Variants in DGCR8 observed in about 807,000 individuals in gnomAD.
The protein encoded by DGCR8 is microprocessor complex subunit DGCR8.
Under a neutral mutation model 78.5 loss-of-function variants are expected in DGCR8, and 14 were observed. The ratio of observed to expected loss-of-function variants is 0.18; its 90% CI spans 0.12 to 0.28. The LOEUF is 0.28. DGCR8 is among the 10% of genes least tolerant of loss of function. The probability of loss-of-function intolerance (pLI) is 1.00; values close to 1 mark genes in which losing one functional copy is unlikely to be tolerated. For missense variants in DGCR8, 702 were observed against 1,022.5 expected, an observed-to-expected ratio of 0.69 and a Z score of 4.28; for synonymous variants, 399 against 402.4, an observed-to-expected ratio of 0.99 and a Z score of 0.10.
At chr22:20,093,310 C>A (rs921240015) in intron 8 of DGCR8, among the ~76,000 whole-genome samples, 1 of 151,888 alleles carries the variant, frequency 6.6e-6, no homozygotes, top group African/African-American at 2.4e-5. Flanking sequence ...GAGGCTGAGG[C>A]AGGAGAATGG....
chr22:20,094,919 C>A, intron 9 of DGCR8, 124 bp downstream of exon 9: 1 of 739,276 alleles, frequency 1.4e-6, no homozygotes, highest in Non-Finnish European at 2.3e-6. Context: ...AGGTTAGTCT[C>A]ATCCAGCCTC....
Position 20,089,635 on chromosome 22 carries a change from A to G in DGCR8, c.881-34A>G, listed in dbSNP as rs748063825. 1.2e-6 allele frequency: 2 copies of G among 1,609,962 alleles called. No individual in the cohort carries two copies. The highest frequency in any genetic ancestry group is 1.1e-5 in the South Asian group (1 of 90,866). ...TGGCAACAATTCCAAGTGTTTTTAC[A>G]GTGATTATAGGATGTTCTTGTCTTC... is the stretch of plus-strand genomic sequence containing the variant. On this transcript the variant is annotated intron_variant, in intron 3 of 13. Coordinates refer to ENST00000351989, the MANE Select transcript of DGCR8 (RefSeq NM_022720.7). The surrounding 1 kb of genome is among the most constrained non-coding windows in gnomAD (Gnocchi z 4.9).
rs969283240 is a variant in DGCR8 at position 20,087,776 on chromosome 22, A to G, written c.880+455A>G. Reference sequence around the variant, plus strand: ...TGTTACCTGATTTTTGTTTAACAACATGGCTTCTGGGCCACAGCATGGTGT... The same window carrying G: ...TGTTACCTGATTTTTGTTTAACAACGTGGCTTCTGGGCCACAGCATGGTGT... On this transcript the variant is annotated intron_variant, in intron 3 of 13. Coordinates refer to ENST00000351989, the MANE Select transcript of DGCR8 (RefSeq NM_022720.7). This position sits in a 1 kb window ranked among gnomAD's most constrained non-coding sequence, Gnocchi z 4.1. 1.3e-5 allele frequency among the ~76,000 whole-genome samples: 2 copies of G among 152,124 alleles called. No homozygotes were observed. Among genetic ancestry groups the G allele is most frequent in the East Asian group, 1.9e-4 (1 of 5,188 alleles).
At chr22:20,107,580 TC>T in intron 12 of DGCR8, 182 bp downstream of exon 12, 2 of 656,322 alleles carry the variant, frequency 3.0e-6, no homozygotes, top group Non-Finnish European at 5.2e-6. Flanking sequence ...ACATCTCCTA[TC>T]CCAGCCTGCT....
At position 20,086,058 on chromosome 22, in the gene DGCR8, G is replaced by A. The variant is rs1202567722; in HGVS notation, c.95G>A (p.Arg32His). 5 of 1,614,026 alleles carry A rather than the reference G, an allele frequency of 3.1e-6. No individual in the cohort carries two copies. The highest frequency in any genetic ancestry group is 4.2e-6 in the Non-Finnish European group (5 of 1,180,044). Reference sequence around the variant, plus strand: ...GCTCGCCCCTTCCAAGCGCTGCCCCGTGAGCAGTCTCCACCACCTCCCCTG... The same window carrying A: ...GCTCGCCCCTTCCAAGCGCTGCCCCATGAGCAGTCTCCACCACCTCCCCTG... ...SRARPFQALP[R>H]EQSPPPPLQT... Residue 32 changes from arginine (R) to histidine (H), a missense_variant, in exon 2 of 14, where the codon CGT becomes CAT. Arg to His is a conservative substitution (Grantham distance 29, BLOSUM62 0). Around this residue, in one of 4 missense-constraint regions of DGCR8, gnomAD observed 356 missense variants for 448.9 expected, o/e 0.79. Coordinates refer to ENST00000351989, the MANE Select transcript of DGCR8 (RefSeq NM_022720.7). The surrounding 1 kb of genome is among the most constrained non-coding windows in gnomAD (Gnocchi z 6.4).
At chr22:20,106,782 C>A in intron 11 of DGCR8, 84 bp downstream of exon 11, 1 of 956,436 alleles carries the variant, frequency 1.0e-6, no homozygotes, top group Non-Finnish European at 1.7e-6. Flanking sequence ...TTGGTCTCAG[C>A]TGTTGCCCTG....
At chr22:20,106,477 T>A in intron 10 of DGCR8, 115 bp from the exon 11 acceptor site, 2 of 868,332 alleles carry the variant, frequency 2.3e-6, no homozygotes, top group South Asian at 2.9e-5. Context: ...CTGGCTGAGA[T>A]GCAGTCTGGG....
In DGCR8 at chr22:20,111,288, C is replaced by T. The variant is rs986243198; in HGVS notation, c.*1180C>T. On this transcript the variant is annotated 3_prime_UTR_variant, in exon 14 of 14. Coordinates refer to ENST00000351989, the MANE Select transcript of DGCR8 (RefSeq NM_022720.7). ...TGCAGAGTGCCGTGTGCTTGTGGTGCGCCATCTGAAGCAAGAGTCCAGCGT... is the reference window on the plus strand; with the variant it reads ...TGCAGAGTGCCGTGTGCTTGTGGTGTGCCATCTGAAGCAAGAGTCCAGCGT... 4.5e-5 allele frequency: 18 copies of T among 398,474 alleles called. No homozygotes were observed. Among genetic ancestry groups the T allele is most frequent in the African/African-American group, 2.3e-4 (11 of 48,568 alleles). The allele number at this position is 398,474 out of a possible 1,614,324, so 24.7% of individuals were successfully genotyped here. A position where few individuals can be genotyped will look rare whatever the true frequency, so the allele number is the denominator to read the frequency against.
At chr22:20,090,395 C>G in intron 5 of DGCR8, 137 bp downstream of exon 5, 2 of 1,072,070 alleles carry the variant, frequency 1.9e-6, no homozygotes, top group Non-Finnish European at 2.6e-6. Context: ...GTTGGTGTGG[C>G]TGAAAGGCTT....
At chr22:20,094,828 G>A (rs373875344) in intron 9 of DGCR8, 33 bp downstream of exon 9, 10 of 1,594,134 alleles carry the variant, frequency 6.3e-6, no homozygotes, top group African/African-American at 1.3e-5. Context: ...GCTGGGAGCT[G>A]TGTGTGCAGT....
At chr22:20,095,786 A>G (rs2049622103) in intron 9 of DGCR8, among the ~76,000 whole-genome samples, 1 of 152,070 alleles carries the variant, frequency 6.6e-6, no homozygotes, top group Admixed American at 6.6e-5. Context: ...AACTCACCAT[A>G]ATATAAAACC....
intron 5 of DGCR8, 21 bp downstream of exon 5, chr22:20,090,279 T>G: frequency 6.4e-7 from 1 of 1,571,900 alleles, no homozygotes; most frequent in Non-Finnish European, 8.6e-7. Flanking sequence ...GAAGGACTCT[T>G]CCCTTCTTGC....
chr22:20,111,312 G>A lies in DGCR8; in HGVS notation c.*1204G>A, dbSNP rs919120981. On this transcript the variant is annotated 3_prime_UTR_variant, in exon 14 of 14. Coordinates refer to ENST00000351989, the MANE Select transcript of DGCR8 (RefSeq NM_022720.7). ...GCGCCATCTGAAGCAAGAGTCCAGCGTTCTGCCGTGTCTGTCCCCCACCAT... is the reference window on the plus strand; with the variant it reads ...GCGCCATCTGAAGCAAGAGTCCAGCATTCTGCCGTGTCTGTCCCCCACCAT... 11 of 398,472 alleles carry A rather than the reference G, an allele frequency of 2.8e-5. No homozygotes were observed. Among genetic ancestry groups the A allele is most frequent in the African/African-American group, 4.1e-5 (2 of 48,510 alleles). The allele number at this position is 398,472 out of a possible 1,614,324, so 24.7% of individuals were successfully genotyped here.
intron 9 of DGCR8, among the ~76,000 whole-genome samples, chr22:20,103,617 C>T (rs891543216): frequency 1.3e-5 from 2 of 152,110 alleles, no homozygotes; most frequent in Non-Finnish European, 2.9e-5. Context: ...TTCCCTGCTG[C>T]ATCTGTGTTC....
chr22:20,099,613 A>C (rs547440606), intron 9 of DGCR8, among the ~76,000 whole-genome samples: 1 of 151,978 alleles, frequency 6.6e-6, no homozygotes, highest in South Asian at 2.1e-4. Context: ...TTGAATCAAC[A>C]CTCCTCAGAT....
At chr22:20,098,980 GA>G (rs1161198137) in intron 9 of DGCR8, among the ~76,000 whole-genome samples, 4 of 152,196 alleles carry the variant, frequency 2.6e-5, no homozygotes, top group Non-Finnish European at 5.9e-5. Context: ...TATTCTTTAT[GA>G]TTTGTGGCCA....
intron 1 of DGCR8, 129 bp downstream of exon 1, chr22:20,080,512 GC>G: frequency 1.0e-6 from 1 of 983,088 alleles, no homozygotes; most frequent in Non-Finnish European, 1.2e-6. Context: ...GCGGAGCCCG[GC>G]CTTTGTGAGG....
In DGCR8 at chr22:20,110,130, C is replaced by T. The variant is rs200350084; in HGVS notation, c.*22C>T. 17 of 1,600,596 alleles carry T rather than the reference C, an allele frequency of 1.1e-5. No individual in the cohort carries two copies. In the East Asian group the frequency reaches 1.1e-4, roughly 10 times the overall value. ...GTGAGGGAGGTGGCACGGGCCAGGGCGCGGGGGCCGCCAGCCGCACTTCTG... is the reference window on the plus strand; with the variant it reads ...GTGAGGGAGGTGGCACGGGCCAGGGTGCGGGGGCCGCCAGCCGCACTTCTG... On this transcript the variant is annotated 3_prime_UTR_variant, in exon 14 of 14. Coordinates refer to ENST00000351989, the MANE Select transcript of DGCR8 (RefSeq NM_022720.7).
intron 9 of DGCR8, chr22:20,101,588 AAAT>A: frequency 3.0e-6 from 3 of 985,186 alleles, no homozygotes; most frequent in Non-Finnish European, 3.6e-6. Flanking sequence ...AAAAAAAAAA[AAAT>A]GTATATATGT....
Sources: allele counts gnomAD v4.1 joint callset (sites outside exome capture counted in the v4.1 genomes callset), GRCh38; gene constraint gnomAD v4.1.1; regional missense constraint gnomAD v4.1.1; non-coding constraint Gnocchi (gnomAD v3.1); transcripts MANE v1.5; gene names NCBI Gene and HGNC (gene_info 2026-07-23, HGNC 2026-07-21).